Variants in PHACTR1 observed in about 807,000 individuals in gnomAD.
PHACTR1 encodes the protein RPEL repeat containing 1.
A neutral mutation model predicts 69.2 loss-of-function variants in PHACTR1; 16 were observed. The observed-to-expected ratio is 0.23, with a 90% CI of 0.16 to 0.35. The LOEUF (loss-of-function observed/expected upper bound fraction) is 0.35. Ranked by LOEUF, PHACTR1 falls within the 10% of genes least tolerant of loss-of-function variation. The pLI is 1.00. For synonymous variants in PHACTR1, 312 were observed against 284.5 expected, an observed-to-expected ratio of 1.10 and a Z score of -0.97; for missense variants, 510 against 734.7, an observed-to-expected ratio of 0.69 and a Z score of 3.54.
At position 13,179,577 on chromosome 6, in the gene PHACTR1, T is replaced by C. The variant is rs1309354287; in HGVS notation, c.497-2942T>C. Among the ~76,000 whole-genome samples the C allele has an allele frequency of 6.6e-6, 1 of 152,166 alleles. No individual in the cohort carries two copies. Among genetic ancestry groups the C allele is most frequent in the Non-Finnish European group, 1.5e-5 (1 of 68,032 alleles). ...TCTTGGTCATAAATGATATTAATAA[T>C]GAATTTGTACTTATTGAATGGTTTT... On this transcript the variant is annotated intron_variant, in intron 6 of 14. Coordinates refer to ENST00000332995, the MANE Select transcript of PHACTR1 (RefSeq NM_030948.6). This position sits in a 1 kb window ranked among gnomAD's most constrained non-coding sequence, Gnocchi z 4.2.
intron 5 of PHACTR1, among the ~76,000 whole-genome samples, chr6:13,080,551 C>T (rs1219423775): frequency 1.3e-5 from 2 of 152,130 alleles, no homozygotes; most frequent in Non-Finnish European, 2.9e-5. Context: ...CTTCCAAGAA[C>T]TAATAATTCA....
chr6:13,262,308 G>C (rs181202322), intron 10 of PHACTR1, among the ~76,000 whole-genome samples: 1 of 152,214 alleles, frequency 6.6e-6, no homozygotes, highest in Non-Finnish European at 1.5e-5. Context: ...AGAGGAAGAT[G>C]TATGGGGGAA....
chr6:13,210,049 C>A (rs765338461), intron 8 of PHACTR1, among the ~76,000 whole-genome samples: 26 of 152,232 alleles, frequency 1.7e-4, no homozygotes, highest in Non-Finnish European at 3.2e-4. Context: ...ACTCTGGCAC[C>A]CAGGCTGTAG....
chr6:13,131,200 T>TATACAC lies in PHACTR1; in HGVS notation c.416-28996_416-28991dup, dbSNP rs1554134760. Among the ~76,000 whole-genome samples, 97 of 34,560 alleles carry TATACAC rather than the reference T, an allele frequency of 2.8e-3. 1 individual carries two copies. The highest frequency in any genetic ancestry group is 5.6e-3 in the African/African-American group (95 of 17,102). 22.7% of individuals were successfully genotyped at this position (34,560 alleles called of 152,430 possible). On this transcript the variant is annotated intron_variant, in intron 5 of 14. Coordinates refer to ENST00000332995, the MANE Select transcript of PHACTR1 (RefSeq NM_030948.6). The stretch of plus-strand genomic sequence containing the variant: ...ATATACACACACACACACATATATA[T>TATACAC]ATACACATACACACACACACACACA...
chr6:12,952,335 A>G (rs900974166), intron 4 of PHACTR1, among the ~76,000 whole-genome samples: 11 of 152,288 alleles, frequency 7.2e-5, no homozygotes, highest in African/African-American at 2.6e-4. Context: ...CCACTGTAGT[A>G]TCATCTGAGC....
intron 4 of PHACTR1, among the ~76,000 whole-genome samples, chr6:13,025,114 G>A (rs1801498645): frequency 6.6e-6 from 1 of 152,092 alleles, no homozygotes; most frequent in South Asian, 2.1e-4. Flanking sequence ...AATTAGCCGG[G>A]CATGGTGGTG....
chr6:12,780,444 G>C (rs537378771), intron 4 of PHACTR1, among the ~76,000 whole-genome samples: 38 of 152,254 alleles, frequency 2.5e-4, no homozygotes, highest in African/African-American at 8.4e-4. Context: ...CCACTCTCCT[G>C]TAAACTTCAT....
At chr6:12,973,291 ATAT>A (rs1794459502) in intron 4 of PHACTR1, among the ~76,000 whole-genome samples, 2 of 151,810 alleles carry the variant, frequency 1.3e-5, no homozygotes, top group African/African-American at 4.9e-5. Context: ...AGATTAAATA[ATAT>A]TATTATTTAT....
chr6:13,124,404 C>G (rs757135715), intron 5 of PHACTR1, among the ~76,000 whole-genome samples: 7 of 152,094 alleles, frequency 4.6e-5, no homozygotes, highest in Non-Finnish European at 5.9e-5. Context: ...CAAAATCATC[C>G]GAGAGCATTT....
intron 5 of PHACTR1, among the ~76,000 whole-genome samples, chr6:13,136,248 C>T (rs1821532291): frequency 6.6e-6 from 1 of 152,070 alleles, no homozygotes; most frequent in Non-Finnish European, 1.5e-5. Context: ...GCTAGGTCTT[C>T]TGAATAACTT....
intron 4 of PHACTR1, among the ~76,000 whole-genome samples, chr6:13,027,354 A>G (rs934019222): frequency 5.9e-5 from 9 of 152,212 alleles, no homozygotes; most frequent in African/African-American, 1.9e-4. Context: ...TGTTGTATCC[A>G]GTCCAAGGTG....
At chr6:12,728,821 A>T (rs574491064) in intron 3 of PHACTR1, among the ~76,000 whole-genome samples, 1 of 152,314 alleles carries the variant, frequency 6.6e-6, no homozygotes, top group South Asian at 2.1e-4. Flanking sequence ...CTGCACACTT[A>T]CAGACCACTG....
intron 4 of PHACTR1, among the ~76,000 whole-genome samples, chr6:12,836,108 GTT>G (rs1256180250): frequency 1.3e-5 from 2 of 152,062 alleles, no homozygotes; most frequent in East Asian, 3.9e-4. Context: ...CGAGGACTTT[GTT>G]TCAGCTTGAA....
chr6:13,087,260 T>TA (rs1441415530), intron 5 of PHACTR1, among the ~76,000 whole-genome samples: 1 of 150,638 alleles, frequency 6.6e-6, no homozygotes, highest in Middle Eastern at 3.2e-3. Context: ...TCCTTCTTTT[T>TA]AAAAAATGAA....
At chr6:13,110,604 G>A (rs145407105) in intron 5 of PHACTR1, among the ~76,000 whole-genome samples, 7 of 152,266 alleles carry the variant, frequency 4.6e-5, no homozygotes, top group African/African-American at 1.2e-4. Flanking sequence ...GTATCCTTGT[G>A]AACTACAACC....
At chr6:13,059,778 T>C in intron 5 of PHACTR1, among the ~76,000 whole-genome samples, 1 of 152,104 alleles carries the variant, frequency 6.6e-6, no homozygotes, top group East Asian at 1.9e-4. Flanking sequence ...ATGATTCCAA[T>C]TTTAGGTGTG....
intron 4 of PHACTR1, among the ~76,000 whole-genome samples, chr6:12,998,529 T>C (rs1157553234): frequency 6.6e-6 from 1 of 151,082 alleles, no homozygotes; most frequent in African/African-American, 2.4e-5. Context: ...AGGCAAGAGG[T>C]TGTCTGAACC....
chr6:13,173,961 C>T (rs1760975898), intron 6 of PHACTR1, among the ~76,000 whole-genome samples: 1 of 152,196 alleles, frequency 6.6e-6, no homozygotes, highest in Non-Finnish European at 1.5e-5. Flanking sequence ...CCTGCCTCGG[C>T]CTCCTAAAGT....
chr6:12,922,457 G>A (rs2327621), intron 4 of PHACTR1, among the ~76,000 whole-genome samples: 100,330 of 151,768 alleles, frequency 0.66, 33,566 homozygotes, highest in East Asian at 0.99. Context: ...GTTAGCTTGT[G>A]CAGAGCCATC....
Sources: gnomAD v4.1 joint callset for allele counts (sites outside exome capture counted in the v4.1 genomes callset) on GRCh38, gnomAD v4.1.1 for gene constraint, Gnocchi (gnomAD v3.1) non-coding constraint, MANE v1.5 for transcripts, NCBI Gene and HGNC (gene_info 2026-07-23, HGNC 2026-07-21) for gene names.